Variants in TTC19 observed in about 807,000 individuals in gnomAD.
TTC19 encodes tetratricopeptide repeat protein 19, mitochondrial.
In TTC19, 38 loss-of-function variants were observed where a neutral mutation model predicts 49.5. The observed-to-expected ratio is 0.77, with a 90% CI of 0.59 to 1.01. TTC19 has a LOEUF of 1.01. Among genes scored for constraint, TTC19 ranks in the 50% least tolerant of loss-of-function variants. TTC19 has a pLI of 0.00. For synonymous variants in TTC19, 204 were observed against 185.2 expected (o/e 1.10, Z -0.83); for missense variants, 475 against 477.7 (o/e 0.99, Z 0.05).
chr17:16,044,970 TAAC>T, exon 3 of TTC19: 1 of 537,370 alleles, frequency 1.9e-6, no homozygotes, highest in East Asian at 3.4e-5. Flanking sequence ...AAATTTCTTA[TAAC>T]GTGTTCAATA....
chr17:16,010,321 G>A (rs1197602930), intron 7 of TTC19, among the ~76,000 whole-genome samples: 1 of 128,166 alleles, frequency 7.8e-6, no homozygotes, highest in Admixed American at 7.9e-5. Context: ...CTACAGGCAC[G>A]TGCCACCATG....
chr17:16,005,559 C>T lies in TTC19; in HGVS notation c.582-915C>T, dbSNP rs145861073. ...GGAGAAGGGATTTCTGTCACATTTC[C>T]TCTGCATCTCTGTAAAAAGCAGCAG... is the stretch of plus-strand genomic sequence containing the variant. On this transcript the variant is annotated intron_variant, in intron 6 of 9. Transcript: ENST00000261647. Among the ~76,000 whole-genome samples, 826 of 152,314 alleles carry T rather than the reference C, an allele frequency of 5.4e-3. 6 individuals are homozygous for T. Among genetic ancestry groups the T allele is most frequent in the African/African-American group, 0.019 (784 of 41,576 alleles).
chr17:15,999,911 C>CCGGGGCTGCTCCG lies in TTC19; in HGVS notation c.66_78dup (p.Arg27GlyfsTer89). The CCGGGGCTGCTCCG allele has an allele frequency of 7.2e-7, 1 of 1,386,990 alleles. No individual in the cohort carries two copies. The highest frequency in any genetic ancestry group is 9.3e-7 in the Non-Finnish European group (1 of 1,080,150). The allele number at this position is 1,386,990 out of a possible 1,614,324, so 85.9% of individuals were successfully genotyped here. A position where few individuals can be genotyped will look rare whatever the true frequency, so the allele number is the denominator to read the frequency against. ...TCCTGCGGGCCGCGGGGCGGCGGTG[C>CCGGGGCTGCTCCG]CGGGGCTGCTCCGCGCGCCTGCTCC... On this transcript the variant is annotated frameshift_variant, in exon 1 of 10. Transcript: ENST00000261647. LOFTEE classifies it high-confidence loss of function.
intron 6 of TTC19, among the ~76,000 whole-genome samples, chr17:16,005,260 G>C (rs1970866857): frequency 1.3e-5 from 2 of 152,334 alleles, no homozygotes; most frequent in South Asian, 4.1e-4. Flanking sequence ...TATAGGTTAT[G>C]AGGGGAATTG....
chr17:16,030,355 T>G (rs1971813445), downstream of TTC19: 1 of 218,496 alleles, frequency 4.6e-6, no homozygotes, highest in Admixed American at 5.8e-5. Context: ...TTCAAACCCG[T>G]GTTGTTCAAG....
At chr17:16,039,161 T>C (rs1193000255) in intron 2 of TTC19, 2 of 408,878 alleles carry the variant, frequency 4.9e-6, no homozygotes, top group East Asian at 4.4e-5. Flanking sequence ...CAATGCAGTA[T>C]GTATAGATGA....
chr17:16,030,530 C>CAAAT, downstream of TTC19: 1 of 192,792 alleles, frequency 5.2e-6, no homozygotes, highest in Non-Finnish European at 1.1e-5. Context: ...TGAAGTGGAA[C>CAAAT]ATTTAGTCAC....
intron 7 of TTC19, among the ~76,000 whole-genome samples, chr17:16,019,388 A>G (rs986339810): frequency 6.6e-6 from 1 of 152,228 alleles, no homozygotes; most frequent in African/African-American, 2.4e-5. Context: ...CTTAATATGA[A>G]TGGTATCATA....
In TTC19 at chr17:16,000,382, G is replaced by A. The variant is rs542345054; in HGVS notation, c.312+137G>A. The stretch of plus-strand genomic sequence containing the variant: ...CCGCGGGTAAAATTGCCGAGAATGA[G>A]GTGGGTCATCCGAGAGGGGATTGGA... On this transcript the variant is annotated intron_variant, in intron 2 of 9. Coordinates refer to ENST00000261647, the MANE Select transcript of TTC19 (RefSeq NM_017775.4). 4 of 1,512,470 alleles carry A rather than the reference G, an allele frequency of 2.6e-6. No individual in the cohort carries two copies. In the Admixed American group the frequency reaches 8.0e-5, roughly 30 times the overall value. The allele number at this position is 1,512,470 out of a possible 1,614,324, so 93.7% of individuals were successfully genotyped here.
Position 16,009,801 on chromosome 17 carries a change from A to G in TTC19, c.676+3233A>G, listed in dbSNP as rs145134526. Among the ~76,000 whole-genome samples the G allele has an allele frequency of 9.3e-3, 1,412 of 152,300 alleles. 27 individuals carry two copies. The highest frequency in any genetic ancestry group is 0.032 in the African/African-American group (1,323 of 41,582). ...CTCTAGGATAATTATTTTGTTACCT[A>G]TGTTGTAGACATATATGTACTTACT... is the stretch of plus-strand genomic sequence containing the variant. On this transcript the variant is annotated intron_variant, in intron 7 of 9. Coordinates refer to ENST00000261647, the MANE Select transcript of TTC19 (RefSeq NM_017775.4).
At position 16,028,494 on chromosome 17, in the gene TTC19, G is replaced by GT; in HGVS notation, c.*973dup. On this transcript the variant is annotated 3_prime_UTR_variant, in exon 10 of 10. Coordinates refer to ENST00000261647, the MANE Select transcript of TTC19 (RefSeq NM_017775.4). ...GATTCTTTCTTAGCTGTGGGGGAAG[G>GT]TATTTGGTTAGATGACTTTGAATGA... The GT allele has an allele frequency of 2.2e-6, 1 of 454,022 alleles. No individual in the cohort carries two copies. The allele number at this position is 454,022 out of a possible 1,614,324, so 28.1% of individuals were successfully genotyped here. A position where few individuals can be genotyped will look rare whatever the true frequency, so the allele number is the denominator to read the frequency against.
rs557103969 is a variant in TTC19 at position 16,028,367 on chromosome 17, T to C, written c.*845T>C. ...ATTTTAAAACTCTTCGTAATTCTAA[T>C]GTGTACTGCTGGTATAGCTGAACTA... On this transcript the variant is annotated 3_prime_UTR_variant, in exon 10 of 10. Coordinates refer to ENST00000261647, the MANE Select transcript of TTC19 (RefSeq NM_017775.4). 1.6e-4 allele frequency: 72 copies of C among 454,140 alleles called. No individual in the cohort carries two copies. Among genetic ancestry groups the C allele is most frequent in the South Asian group, 1.0e-3 (67 of 64,482 alleles). The allele number at this position is 454,140 out of a possible 1,614,324, so 28.1% of individuals were successfully genotyped here. A position where few individuals can be genotyped will look rare whatever the true frequency, so the allele number is the denominator to read the frequency against.
At chr17:16,012,982 C>G (rs929474865) in intron 7 of TTC19, among the ~76,000 whole-genome samples, 1 of 152,118 alleles carries the variant, frequency 6.6e-6, no homozygotes, top group Non-Finnish European at 1.5e-5. Flanking sequence ...GTGGGAGGAT[C>G]GCTTGAGCCT....
intron 7 of TTC19, among the ~76,000 whole-genome samples, chr17:16,008,137 C>T (rs1054610166): frequency 1.3e-5 from 2 of 152,190 alleles, no homozygotes; most frequent in Non-Finnish European, 2.9e-5. Context: ...TTTCTCTCTG[C>T]CCCAACACCT....
chr17:16,001,093 T>G (rs1970713406), intron 2 of TTC19, among the ~76,000 whole-genome samples: 1 of 152,100 alleles, frequency 6.6e-6, no homozygotes, highest in Admixed American at 6.5e-5. Context: ...CAGTAGTCTT[T>G]CCTGGCCTCC....
chr17:16,044,885 T>C, exon 3 of TTC19: 1 of 749,764 alleles, frequency 1.3e-6, no homozygotes, highest in Non-Finnish European at 2.3e-6. Flanking sequence ...CTGCTCCAGC[T>C]GAGAAGAAAG....
intron 7 of TTC19, 134 bp downstream of exon 7, chr17:16,006,702 G>C: frequency 3.1e-6 from 2 of 637,102 alleles, no homozygotes; most frequent in South Asian, 3.8e-5. Context: ...CTGTCTTTAA[G>C]GTATCAGCAG....
intron 7 of TTC19, among the ~76,000 whole-genome samples, chr17:16,014,425 TA>T (rs1469548558): frequency 6.6e-6 from 1 of 152,264 alleles, no homozygotes; most frequent in African/African-American, 2.4e-5. Context: ...AGGAACATTC[TA>T]TAGCTCCTGC....
In TTC19 at chr17:16,013,488, T is replaced by C. The variant is rs373361112; in HGVS notation, c.676+6920T>C. 2.6e-5 allele frequency among the ~76,000 whole-genome samples: 4 copies of C among 152,212 alleles called. No individual in the cohort carries two copies. The East Asian group carries it at 7.7e-4, about 29-fold the overall frequency. ...TCTCACTCATCTTTCCTTATAATTT[T>C]CTATTTTTTTCCTTTTATTTCTAAA... On this transcript the variant is annotated intron_variant, in intron 7 of 9. Transcript: ENST00000261647.
Sources: gnomAD v4.1 joint callset for allele counts (sites outside exome capture counted in the v4.1 genomes callset) on GRCh38, gnomAD v4.1.1 for gene constraint, MANE v1.5 for transcripts, NCBI Gene and HGNC (gene_info 2026-07-23, HGNC 2026-07-21) for gene names.